Variants in TTN observed in about 807,000 individuals in gnomAD.
The protein encoded by TTN is connectin.
A neutral mutation model predicts 3,223.0 loss-of-function variants in TTN; 1,525 were observed. The ratio of observed to expected loss-of-function variants is 0.47; its 90% CI spans 0.45 to 0.49. The LOEUF (loss-of-function observed/expected upper bound fraction) is 0.49. Among genes scored for constraint, TTN ranks in the 20% least tolerant of loss-of-function variants. The pLI is 0.00. For synonymous variants in TTN, 14,094 were observed against 15,161.0 expected, an observed-to-expected ratio of 0.93 and a Z score of 5.17; for missense variants, 40,786 against 43,424.0, an observed-to-expected ratio of 0.94 and a Z score of 5.40.
chr2:178,804,437 T>G (rs2094216024), intron 2 of TTN, 115 bp downstream of exon 2: 3 of 961,490 alleles, frequency 3.1e-6, no homozygotes, highest in African/African-American at 3.2e-5. Flanking sequence ...AGTGTTGGAC[T>G]AATTTTCCGA....
Position 178,776,601 on chromosome 2 carries a change from T to C in TTN, c.5263A>G (p.Asn1755Asp). The change falls in exon 28 of 363, where the codon AAT (asparagine) becomes GAT (aspartate). Residue 1755 changes from asparagine (N) to aspartate (D), a missense_variant. By Grantham distance (23) the Asn-to-Asp change is conservative. Transcript: ENST00000589042. ...TCAAGGCTGCAGTACCCAAATTCAT[T>C]GATCATACGGAGCCTGTTGGCTGCT... ...LEAANRLRMI[N>D]EFGYCSLDYG... 6.2e-7 allele frequency: 1 copy of C among 1,614,064 alleles called. No homozygotes were observed.
Position 178,559,760 on chromosome 2 carries a change from G to A in TTN, c.86372C>T (p.Pro28791Leu). The change falls in exon 326 of 363, where the codon CCA becomes CTA. Residue 28791 changes from proline (P) to leucine (L), a missense_variant. Physicochemically the swap from Pro to Leu is moderately conservative, Grantham distance 98. Coordinates refer to ENST00000589042, the MANE Select transcript of TTN (RefSeq NM_001267550.2). ...RPVPNVLWSK[P>L]DTDLRTRAYV... ...AGCTCTAGTACGGAGGTCAGTGTCT[G>A]GCTTACTCCACAAGACATTGGGTAC... 1 of 1,600,368 alleles carries A rather than the reference G, an allele frequency of 6.2e-7. No individual in the cohort carries two copies. Among genetic ancestry groups the A allele is most frequent in the Non-Finnish European group, 8.5e-7 (1 of 1,172,926 alleles).
chr2:178,746,744 T>C (rs2083682179), intron 47 of TTN: 1 of 1,613,440 alleles, frequency 6.2e-7, no homozygotes, highest in Non-Finnish European at 8.5e-7. Context: ...TAAAGATTTA[T>C]TTCGATACCA....
Position 178,535,503 on chromosome 2 carries a change from A to C in TTN, c.101112T>G (p.Asp33704Glu). 2 of 1,613,884 alleles carry C rather than the reference A, an allele frequency of 1.2e-6. No individual in the cohort carries two copies. The highest frequency in any genetic ancestry group is 1.7e-6 in the Non-Finnish European group (2 of 1,179,826). Residue 33704 changes from aspartate to glutamate, a missense_variant, in exon 358 of 363, where the codon GAT becomes GAG. Coordinates refer to ENST00000589042, the MANE Select transcript of TTN (RefSeq NM_001267550.2). Reference sequence around the variant, plus strand: ...GCTCAGTCCATGTTAAGTTGACAGAATCTCGTGAGACATCACTAACTTTGA... The same window carrying C: ...GCTCAGTCCATGTTAAGTTGACAGACTCTCGTGAGACATCACTAACTTTGA... ...RGVKVSDVSR[D>E]SVNLTWTEPA... is the part of the protein sequence containing the mutation.
At chr2:178,790,670 G>A (rs1333044938) in intron 11 of TTN, 38 bp downstream of exon 11, 1 of 1,613,828 alleles carries the variant, frequency 6.2e-7, no homozygotes, top group Non-Finnish European at 8.5e-7. Flanking sequence ...AAATGAAATG[G>A]TGCAAGAGTG....
In TTN at chr2:178,713,370, G is replaced by C; in HGVS notation, c.26764C>G (p.Arg8922Gly). ...SCTASLQVSDRTVPPSFTRKL... is the reference protein window; with the variant it reads ...SCTASLQVSDGTVPPSFTRKL... ...CTTGTGAATGAAGGAGGAACGGTTC[G>C]GTCTGAATGATACAAAACAAAACAA... The change falls in exon 93 of 363, where the codon CGA becomes GGA. Residue 8922 changes from arginine (R) to glycine (G), a missense_variant and splice_region_variant. By Grantham distance (125) the Arg-to-Gly change is moderately radical. Transcript: ENST00000589042. 6.7e-7 allele frequency: 1 copy of C among 1,497,648 alleles called. No homozygotes were observed. Among genetic ancestry groups the C allele is most frequent in the Non-Finnish European group, 8.9e-7 (1 of 1,124,334 alleles). The allele number at this position is 1,497,648 out of a possible 1,614,324, so 92.8% of individuals were successfully genotyped here.
intron 34 of TTN, chr2:178,770,933 T>C (rs2091385921): frequency 5.2e-6 from 4 of 773,678 alleles, no homozygotes; most frequent in African/African-American, 1.7e-5. Context: ...AGCAGCATAA[T>C]AGACTGATTG....
rs2070634962 is a variant in TTN at position 178,685,544 on chromosome 2, T to A, written c.32366A>T (p.Lys10789Met). 6.2e-7 allele frequency: 1 copy of A among 1,613,474 alleles called. No homozygotes were observed. The highest frequency in any genetic ancestry group is 8.5e-7 in the Non-Finnish European group (1 of 1,179,740). Residue 10789 changes from lysine (K) to methionine (M), a missense_variant, in exon 128 of 363, where the codon AAG becomes ATG. By Grantham distance (95) the Lys-to-Met change is moderately conservative. Transcript: ENST00000589042. ...TTCAGCTGGCTCAGCTTCCACTCTC[T>A]TAGAAATAATGTGCAGCTTTTCTTC... ...VVEEKLHIIS[K>M]RVEAEPAEVT...
At position 178,649,860 on chromosome 2, in the gene TTN, C is replaced by A. The variant is rs747132848; in HGVS notation, c.39852G>T (p.Lys13284Asn). Reference protein sequence around the residue: ...PEEPKKIIPEKKVPVIKKPEA... With the variant: ...PEEPKKIIPENKVPVIKKPEA... ...CTGGTTTTTTGATGACAGGAACTTT[C>A]TTCTCTGGGATGATCTTCTTGGGCT... Residue 13284 changes from lysine to asparagine, a missense_variant, in exon 211 of 363, where the codon AAG becomes AAT. Transcript: ENST00000589042. 2 of 1,612,666 alleles carry A rather than the reference C, an allele frequency of 1.2e-6. No homozygotes were observed. The highest frequency in any genetic ancestry group is 8.5e-7 in the Non-Finnish European group (1 of 1,179,446).
At chr2:178,615,850 A>AT in intron 257 of TTN, 62 bp from the exon 258 acceptor site, 2 of 1,526,544 alleles carry the variant, frequency 1.3e-6, no homozygotes, top group Non-Finnish European at 1.8e-6. Flanking sequence ...AACCCAAAAG[A>AT]TTTTTACCAT....
At position 178,675,939 on chromosome 2, in the gene TTN, C is replaced by G. The variant is rs1298237270; in HGVS notation, c.34435G>C (p.Glu11479Gln). Residue 11479 changes from glutamate to glutamine, a missense_variant, in exon 148 of 363, where the codon GAG becomes CAG. Glu to Gln is a conservative substitution (Grantham distance 29). Coordinates refer to ENST00000589042, the MANE Select transcript of TTN (RefSeq NM_001267550.2). ...GCAATACCTTTGGCAGGGGGAGCCT[C>G]CTCTTTCTTGGGAATGACCACTTTC... The part of the protein sequence containing the change: ...EKKVVIPKKE[E>Q]APPAKVSVVP... The G allele has an allele frequency of 7.5e-6, 12 of 1,607,982 alleles. No individual in the cohort carries two copies. The Admixed American group carries it at 8.4e-5, about 11-fold the overall frequency.
chr2:178,754,343 T>A (rs984954213), intron 46 of TTN, among the ~76,000 whole-genome samples: 1 of 152,152 alleles, frequency 6.6e-6, no homozygotes, highest in Non-Finnish European at 1.5e-5. Flanking sequence ...TTCAAACATC[T>A]AAAAATGTCT....
Position 178,576,080 on chromosome 2 carries a change from C to G in TTN, c.70052G>C (p.Arg23351Pro). ...APDFELDAEL[R>P]RTLVVRAGLS... ...TCCTGCTCTAACAACAAGTGTTCTT[C>G]GAAGCTCGGCATCTAGTTCAAAATC... Residue 23351 changes from arginine to proline, a missense_variant, in exon 326 of 363, where the codon CGA (arginine) becomes CCA (proline). Coordinates refer to ENST00000589042, the MANE Select transcript of TTN (RefSeq NM_001267550.2). The surrounding 1 kb of genome is among the most constrained non-coding windows in gnomAD (Gnocchi z 4.3). 1 of 1,613,424 alleles carries G rather than the reference C, an allele frequency of 6.2e-7. No homozygotes were observed. The highest frequency in any genetic ancestry group is 8.5e-7 in the Non-Finnish European group (1 of 1,179,588).
rs759379332 is a variant in TTN, at chr2:178,729,534, C to T, written c.18622G>A (p.Val6208Met). Residue 6208 changes from valine (V) to methionine (M), a missense_variant, in exon 64 of 363, where the codon GTG becomes ATG. By Grantham distance (21) the Val-to-Met change is conservative. Coordinates refer to ENST00000589042, the MANE Select transcript of TTN (RefSeq NM_001267550.2). ...ACGTCACTATATTTTACTACCTCCACAGGCTTCAGCTCTCTGATAAAGGTG... is the reference window on the plus strand; with the variant it reads ...ACGTCACTATATTTTACTACCTCCATAGGCTTCAGCTCTCTGATAAAGGTG... Reference protein sequence around the residue: ...PPTFIRELKPVEVVKYSDVEL... With the variant: ...PPTFIRELKPMEVVKYSDVEL... 5.0e-6 allele frequency: 8 copies of T among 1,613,288 alleles called. No individual in the cohort carries two copies. The South Asian group carries it at 8.8e-5, about 18-fold the overall frequency.
chr2:178,542,390 T>C lies in TTN; in HGVS notation c.97366A>G (p.Arg32456Gly). The C allele has an allele frequency of 6.8e-6, 11 of 1,613,642 alleles. No individual in the cohort carries two copies. The highest frequency in any genetic ancestry group is 9.3e-6 in the Non-Finnish European group (11 of 1,179,708). ...AGTCTGGTAAACTTAAACGTGGACCTAGTCACTGATTCAGAAACGGGCAGC... is the reference window on the plus strand; with the variant it reads ...AGTCTGGTAAACTTAAACGTGGACCCAGTCACTGATTCAGAAACGGGCAGC... ...GWLPVSESVT[R>G]STFKFTRLTE... The change falls in exon 349 of 363, where the codon AGG becomes GGG. Residue 32456 changes from arginine (R) to glycine (G), a missense_variant. Transcript: ENST00000589042.
chr2:178,651,428 TCAAA>T, intron 207 of TTN, 21 bp downstream of exon 207: 1 of 1,604,056 alleles, frequency 6.2e-7, no homozygotes, highest in Non-Finnish European at 8.5e-7. Flanking sequence ...TCCGCCCCCA[TCAAA>T]CAGTGGACAG....
chr2:178,565,459 G>A lies in TTN; in HGVS notation c.80673C>T (p.Ile26891=). ...SLKLPFNTYS[I]QAGEDLKIEI... ...CTATTTTAAGATCTTCTCCAGCTTG[G>A]ATACTATATGTGTTAAATGGTAACT... Residue 26891 remains isoleucine (I), a synonymous_variant, in exon 326 of 363, where the codon ATC becomes ATT. Coordinates refer to ENST00000589042, the MANE Select transcript of TTN (RefSeq NM_001267550.2). 1 of 1,613,216 alleles carries A rather than the reference G, an allele frequency of 6.2e-7. No individual in the cohort carries two copies. The highest frequency in any genetic ancestry group is 1.1e-5 in the South Asian group (1 of 91,012).
chr2:178,796,979 C>T (rs552657254), intron 6 of TTN, among the ~76,000 whole-genome samples: 1 of 152,108 alleles, frequency 6.6e-6, no homozygotes, highest in African/African-American at 2.4e-5. Context: ...CTTTGATAAC[C>T]ATTATTTTCT....
Position 178,634,660 on chromosome 2 carries a change from T to G in TTN, c.42152-31A>C. On this transcript the variant is annotated intron_variant, in intron 229 of 362. Transcript: ENST00000589042. The surrounding 1 kb of genome is among the most constrained non-coding windows in gnomAD (Gnocchi z 4.6). ...AATCAGACATTAAGAATGAGGCTTT[T>G]CAGAATGCACAGGGAAGTGAAATAA... The G allele has an allele frequency of 6.2e-7, 1 of 1,612,380 alleles. No individual in the cohort carries two copies. Among genetic ancestry groups the G allele is most frequent in the Non-Finnish European group, 8.5e-7 (1 of 1,179,294 alleles).
Sources: allele counts gnomAD v4.1 joint callset (sites outside exome capture counted in the v4.1 genomes callset), GRCh38; gene constraint gnomAD v4.1.1; non-coding constraint Gnocchi (gnomAD v3.1); transcripts MANE v1.5; gene names NCBI Gene and HGNC (gene_info 2026-07-23, HGNC 2026-07-21).